The following MGLL variants were observed in gnomAD, a reference collection of about 807,000 sequenced individuals.
MGLL encodes monoglyceride lipase, also known as lysophospholipase homolog.
In MGLL, 7 loss-of-function variants were observed where a neutral mutation model predicts 29.1. The observed-to-expected ratio is 0.24, with a 90% CI of 0.14 to 0.45. MGLL has a LOEUF of 0.45. MGLL is among the 20% of genes least tolerant of loss of function. The probability of loss-of-function intolerance (pLI) is 0.99; values close to 1 mark genes in which losing one functional copy is unlikely to be tolerated. For missense variants in MGLL, 356 were observed against 413.6 expected (o/e 0.86, Z 1.21); for synonymous variants, 148 against 168.3 (o/e 0.88, Z 0.93).
chr3:127,745,069 C>A (rs757322254), intron 3 of MGLL, among the ~76,000 whole-genome samples: 13 of 152,212 alleles, frequency 8.5e-5, no homozygotes, highest in Non-Finnish European at 1.6e-4. Flanking sequence ...CGGGTACAGA[C>A]CACAGCTGCT....
intron 3 of MGLL, among the ~76,000 whole-genome samples, chr3:127,766,167 C>G (rs1388573633): frequency 6.6e-6 from 1 of 152,094 alleles, no homozygotes; most frequent in African/African-American, 2.4e-5. Flanking sequence ...CTCCCTCTCC[C>G]ATATGTCCCA....
chr3:127,696,396 CTTTTTTTTTTTTTTTTTTT>C lies in MGLL; in HGVS notation c.601-1225_601-1207del, dbSNP rs545853423. ...GGGCAGGAGTGAGCCCCTGATGCTT[CTTTTTTTTTTTTTTTTTTT>C]TTTTTTTTTTTTTTTTGAGACGGAG... On this transcript the variant is annotated intron_variant, in intron 6 of 7. Coordinates refer to ENST00000265052, the MANE Select transcript of MGLL (RefSeq NM_007283.7). Among the ~76,000 whole-genome samples, 109 of 49,376 alleles carry C rather than the reference CTTTTTTTTTTTTTTTTTTT, an allele frequency of 2.2e-3. 1 individual carries two copies. Among genetic ancestry groups the C allele is most frequent in the Non-Finnish European group, 3.7e-3 (93 of 25,228 alleles). The allele number at this position is 49,376 out of a possible 152,430, so 32.4% of individuals were successfully genotyped here. A position where few individuals can be genotyped will look rare whatever the true frequency, so the allele number is the denominator to read the frequency against.
Position 127,790,776 on chromosome 3 carries a change from C to A in MGLL, c.156-8881G>T, listed in dbSNP as rs142204931. ...CCCGCAGCCTCTTGCCTCCCCCACA[C>A]CAGAATGCCTGGATTTCTAGCTCAG... On this transcript the variant is annotated intron_variant, in intron 2 of 7. Transcript: ENST00000265052. Among the ~76,000 whole-genome samples, 22 of 152,196 alleles carry A rather than the reference C, an allele frequency of 1.4e-4. No individual in the cohort carries two copies. In the South Asian group the frequency reaches 1.7e-3, roughly 11 times the overall value.
chr3:127,694,206 G>A (rs2075301489), intron 7 of MGLL, among the ~76,000 whole-genome samples: 1 of 148,326 alleles, frequency 6.7e-6, no homozygotes. Flanking sequence ...GGAGGCAGAG[G>A]TTGCTGTGAG....
intron 3 of MGLL, among the ~76,000 whole-genome samples, chr3:127,732,717 C>T (rs73859596): frequency 0.041 from 6,191 of 152,284 alleles, 432 homozygotes; most frequent in African/African-American, 0.14. Context: ...AAATGTTCTT[C>T]TGAAGACTTC....
chr3:127,813,246 T>A (rs2077696129), intron 2 of MGLL, among the ~76,000 whole-genome samples: 1 of 152,258 alleles, frequency 6.6e-6, no homozygotes, highest in South Asian at 2.1e-4. Context: ...TTCTTCCGAC[T>A]CTTGTTCTCC....
At chr3:127,700,991 G>A (rs1309319669) in intron 6 of MGLL, among the ~76,000 whole-genome samples, 1 of 152,100 alleles carries the variant, frequency 6.6e-6, no homozygotes, top group Non-Finnish European at 1.5e-5. Flanking sequence ...AAGGTGGGCA[G>A]ATCACTTGGG....
intron 6 of MGLL, among the ~76,000 whole-genome samples, chr3:127,701,260 CA>C (rs890340167): frequency 1.6e-3 from 192 of 121,810 alleles, no homozygotes; most frequent in South Asian, 6.3e-3. Context: ...ATAGCAACAA[CA>C]AAAAAAACAA....
chr3:127,778,826 A>C (rs1354297313), intron 3 of MGLL, among the ~76,000 whole-genome samples: 1 of 145,242 alleles, frequency 6.9e-6, no homozygotes, highest in Non-Finnish European at 1.5e-5. Context: ...ATCATGGCTT[A>C]CTGCAGCCTT....
intron 3 of MGLL, among the ~76,000 whole-genome samples, chr3:127,738,910 C>A (rs2107652345): frequency 6.6e-6 from 1 of 152,348 alleles, no homozygotes; most frequent in East Asian, 1.9e-4. Context: ...TACCAATGCC[C>A]TACGGCCACA....
chr3:127,742,435 C>T (rs932820531), intron 3 of MGLL, among the ~76,000 whole-genome samples: 5 of 151,818 alleles, frequency 3.3e-5, no homozygotes, highest in Non-Finnish European at 7.4e-5. Flanking sequence ...ACTAAAAATA[C>T]AAAAATGAGC....
chr3:127,765,076 A>G (rs555557922), intron 3 of MGLL, among the ~76,000 whole-genome samples: 1 of 152,380 alleles, frequency 6.6e-6, no homozygotes, highest in Admixed American at 6.5e-5. Context: ...ACCTGCATAT[A>G]TGTTATAATT....
chr3:127,797,803 C>T (rs2077409877), intron 2 of MGLL, among the ~76,000 whole-genome samples: 1 of 152,140 alleles, frequency 6.6e-6, no homozygotes, highest in African/African-American at 2.4e-5. Context: ...GACAGGGTTT[C>T]ACCATGTTGC....
intron 5 of MGLL, among the ~76,000 whole-genome samples, chr3:127,714,479 C>G (rs2075777602): frequency 6.6e-6 from 1 of 152,234 alleles, no homozygotes; most frequent in Non-Finnish European, 1.5e-5. Flanking sequence ...AAGCTTGTAA[C>G]AGTAAAACTC....
At position 127,726,068 on chromosome 3, in the gene MGLL, A is replaced by G. The variant is rs368255014; in HGVS notation, c.263-3502T>C. Among the ~76,000 whole-genome samples the G allele has an allele frequency of 3.0e-3, 450 of 151,094 alleles. 4 individuals are homozygous for G. The highest frequency in any genetic ancestry group is 0.024 in the South Asian group (113 of 4,780). On this transcript the variant is annotated intron_variant, in intron 3 of 7. Coordinates refer to ENST00000265052, the MANE Select transcript of MGLL (RefSeq NM_007283.7). Reference sequence around the variant, plus strand: ...CAAAAGTGAGACCCTATCTCAAAAAAAAAAAGAAAGGGAAAGAAAGAGAAG... The same window carrying G: ...CAAAAGTGAGACCCTATCTCAAAAAGAAAAAGAAAGGGAAAGAAAGAGAAG...
chr3:127,708,180 C>T (rs1445254686), intron 6 of MGLL, among the ~76,000 whole-genome samples: 1 of 152,222 alleles, frequency 6.6e-6, no homozygotes, highest in Non-Finnish European at 1.5e-5. Flanking sequence ...TTTCCCAACA[C>T]ATTTTCCCCT....
chr3:127,781,620 G>T (rs2107709304), intron 3 of MGLL, among the ~76,000 whole-genome samples, 169 bp downstream of exon 3: 1 of 152,310 alleles, frequency 6.6e-6, no homozygotes, highest in East Asian at 1.9e-4. Context: ...TACAGAATCT[G>T]CTCGTCAGAC....
In MGLL at chr3:127,755,073, G is replaced by A. The variant is rs114531308; in HGVS notation, c.262+26716C>T. Among the ~76,000 whole-genome samples, 1,140 of 152,264 alleles carry A rather than the reference G, an allele frequency of 7.5e-3. 16 individuals are homozygous for A. Among genetic ancestry groups the A allele is most frequent in the African/African-American group, 0.026 (1,062 of 41,544 alleles). On this transcript the variant is annotated intron_variant, in intron 3 of 7. Transcript: ENST00000265052. ...CAGTCACGAGCTGTGGCATCCCCGG[G>A]GGAAAGGTCCTTGCCATTGCGGGGG...
intron 3 of MGLL, among the ~76,000 whole-genome samples, chr3:127,740,541 G>C (rs1172625112): frequency 6.6e-6 from 1 of 152,232 alleles, no homozygotes; most frequent in African/African-American, 2.4e-5. Context: ...GAGAATTCAA[G>C]AGAAAGGAAG....
Sources: allele counts gnomAD v4.1 joint callset (sites outside exome capture counted in the v4.1 genomes callset), GRCh38; gene constraint gnomAD v4.1.1; transcripts MANE v1.5; gene names NCBI Gene and HGNC (gene_info 2026-07-23, HGNC 2026-07-21).